Variants in PLXND1 observed in about 807,000 individuals in gnomAD.
PLXND1 encodes the protein plexin D1.
In PLXND1, 54 loss-of-function variants were observed where a neutral mutation model predicts 197.7. The observed-to-expected ratio is 0.27, with a 90% CI of 0.22 to 0.34. The LOEUF (loss-of-function observed/expected upper bound fraction) is 0.34. PLXND1 is among the 10% of genes least tolerant of loss of function. PLXND1 has a pLI of 1.00. For synonymous variants in PLXND1, 1,180 were observed against 1,161.2 expected, an observed-to-expected ratio of 1.02 and a Z score of -0.33; for missense variants, 2,127 against 2,699.2, an observed-to-expected ratio of 0.79 and a Z score of 4.70.
chr3:129,571,555 A>G lies in PLXND1; in HGVS notation c.3290T>C (p.Val1097Ala), dbSNP rs200409964. Residue 1097 changes from valine (V) to alanine (A), a missense_variant, in exon 17 of 36, where the codon GTG becomes GCG. By Grantham distance (64) the Val-to-Ala change is moderately conservative (BLOSUM62 0). Transcript: ENST00000324093. ...GTGGACGGCCATGGACACATTCTGCACCATGTGGAAACGCTCACCAGCCAC... is the reference window on the plus strand; with the variant it reads ...GTGGACGGCCATGGACACATTCTGCGCCATGTGGAAACGCTCACCAGCCAC... ...ITVAGERFHM[V>A]QNVSMAVHHI... The G allele has an allele frequency of 6.2e-7, 1 of 1,613,696 alleles. No homozygotes were observed. Among genetic ancestry groups the G allele is most frequent in the East Asian group, 2.2e-5 (1 of 44,872 alleles).
At chr3:129,601,484 G>A (rs1033125289) in intron 1 of PLXND1, among the ~76,000 whole-genome samples, 2 of 152,154 alleles carry the variant, frequency 1.3e-5, no homozygotes, top group Non-Finnish European at 1.5e-5. Context: ...GGAGCGAGAG[G>A]CTGGGTTTCC....
chr3:129,567,766 C>T lies in PLXND1; in HGVS notation c.3905G>A (p.Arg1302His), dbSNP rs369890848. The T allele has an allele frequency of 2.7e-5, 43 of 1,613,454 alleles. No homozygotes were observed. Among genetic ancestry groups the T allele is most frequent in the Middle Eastern group, 1.6e-4 (1 of 6,080 alleles). ...VFCTKSRRAE[R>H]YWQKTLLQME... Reference sequence around the variant, plus strand: ...CTGCAGCAGCGTCTTCTGCCAGTAACGCTCAGCACGTCGGCTCTTGGTACA... The same window carrying T: ...CTGCAGCAGCGTCTTCTGCCAGTAATGCTCAGCACGTCGGCTCTTGGTACA... The change falls in exon 21 of 36, where the codon CGT becomes CAT. Residue 1302 changes from arginine to histidine, a missense_variant. Arg to His is a conservative substitution (Grantham distance 29, BLOSUM62 0). Transcript: ENST00000324093.
In PLXND1 at chr3:129,558,586, G is replaced by A; in HGVS notation, c.5298-11C>T. On this transcript the variant is annotated splice_polypyrimidine_tract_variant and intron_variant, in intron 32 of 35. Transcript: ENST00000324093. The surrounding 1 kb of genome is among the most constrained non-coding windows in gnomAD (Gnocchi z 4.1). The stretch of plus-strand genomic sequence containing the variant: ...AACCGGAGAGGAAGGCTGTGGGGTA[G>A]GGTGACAAAGACAGTGAGGGTAGGG... The A allele has an allele frequency of 1.9e-6, 3 of 1,613,322 alleles. No individual in the cohort carries two copies. Among genetic ancestry groups the A allele is most frequent in the Non-Finnish European group, 2.5e-6 (3 of 1,179,566 alleles).
chr3:129,589,075 T>C (rs746958429), intron 2 of PLXND1, among the ~76,000 whole-genome samples: 1 of 152,176 alleles, frequency 6.6e-6, no homozygotes, highest in Non-Finnish European at 1.5e-5. Context: ...CTCAGAGCCA[T>C]ACAGTTTCAA....
At chr3:129,601,539 G>T (rs913245477) in intron 1 of PLXND1, among the ~76,000 whole-genome samples, 1 of 152,134 alleles carries the variant, frequency 6.6e-6, no homozygotes, top group Non-Finnish European at 1.5e-5. Flanking sequence ...TTCGGCCCTG[G>T]GGTCCTGCCC....
At chr3:129,597,205 G>C (rs1425474298) in intron 1 of PLXND1, among the ~76,000 whole-genome samples, 1 of 152,184 alleles carries the variant, frequency 6.6e-6, no homozygotes. Context: ...AGCCTCCAGC[G>C]CAGGCCTGCG....
chr3:129,572,661 C>A lies in PLXND1; in HGVS notation c.3025G>T (p.Gly1009Cys). The A allele has an allele frequency of 6.2e-7, 1 of 1,604,312 alleles. No homozygotes were observed. The highest frequency in any genetic ancestry group is 8.5e-7 in the Non-Finnish European group (1 of 1,174,850). Residue 1009 changes from glycine (G) to cysteine (C), a missense_variant, in exon 15 of 36, where the codon GGC (glycine) becomes TGC (cysteine). Gly to Cys is a radical substitution (Grantham distance 159, BLOSUM62 -3). Coordinates refer to ENST00000324093, the MANE Select transcript of PLXND1 (RefSeq NM_015103.3). ...ITIHGNDLHV[G>C]SELQVLVNDT... ...TTCACCAGGACCTGGAGCTCGGAGC[C>A]TACATGGAGGTCATTCCCATGGATG...
Position 129,559,737 on chromosome 3 carries a change from C to T in PLXND1, c.5180G>A (p.Ser1727Asn), listed in dbSNP as rs756279893. 1.5e-5 allele frequency: 25 copies of T among 1,613,046 alleles called. No individual in the cohort carries two copies. In the South Asian group the frequency reaches 2.1e-4, roughly 13 times the overall value. Residue 1727 changes from serine to asparagine, a missense_variant, in exon 32 of 36, where the codon AGT becomes AAT. Around this residue, in one of 6 missense-constraint regions of PLXND1, gnomAD observed 200 missense variants for 303.3 expected, o/e 0.66. Transcript: ENST00000324093. ...CAGTGGGGGCTTGTCTTCACGGATA[C>T]TCAGAATGGCCTTGAACAGGTCATC... ...FLDDLFKAIL[S>N]IREDKPPLAV...
Position 129,572,598 on chromosome 3 carries a change from C to T in PLXND1, c.3077+11G>A, listed in dbSNP as rs751017129. On this transcript the variant is annotated intron_variant, in intron 15 of 35. Coordinates refer to ENST00000324093, the MANE Select transcript of PLXND1 (RefSeq NM_015103.3). ...TGGGCTGGAAGGGATGGGCCAGGCC[C>T]AGAGGCTTACATCAGCTCCGTGCAG... The T allele has an allele frequency of 4.0e-6, 6 of 1,507,516 alleles. No individual in the cohort carries two copies. The highest frequency in any genetic ancestry group is 2.7e-6 in the Non-Finnish European group (3 of 1,128,068). 93.4% of individuals were successfully genotyped at this position (1,507,516 alleles called of 1,614,324 possible). A position where few individuals can be genotyped will look rare whatever the true frequency, so the allele number is the denominator to read the frequency against.
At chr3:129,593,957 A>G (rs2085583503) in intron 1 of PLXND1, among the ~76,000 whole-genome samples, 1 of 152,082 alleles carries the variant, frequency 6.6e-6, no homozygotes, top group South Asian at 2.1e-4. Flanking sequence ...ACTCTGACAT[A>G]TTGATTTTAC....
At chr3:129,576,101 A>G (rs985669953) in intron 9 of PLXND1, among the ~76,000 whole-genome samples, 2 of 152,190 alleles carry the variant, frequency 1.3e-5, no homozygotes, top group Non-Finnish European at 2.9e-5. Flanking sequence ...CACCACTAAA[A>G]GCCTCTCCAG....
intron 8 of PLXND1, among the ~76,000 whole-genome samples, chr3:129,580,070 T>C (rs1181012886): frequency 6.6e-6 from 1 of 152,108 alleles, no homozygotes; most frequent in Non-Finnish European, 1.5e-5. Context: ...GATACTATCA[T>C]TACACCCACT....
At chr3:129,597,133 A>G (rs755498073) in intron 1 of PLXND1, among the ~76,000 whole-genome samples, 1 of 152,248 alleles carries the variant, frequency 6.6e-6, no homozygotes, top group South Asian at 2.1e-4. Flanking sequence ...AGTAAAGGAA[A>G]CTGAGGCACA....
At chr3:129,574,138 C>G (rs765435639) in intron 12 of PLXND1, among the ~76,000 whole-genome samples, 198 bp downstream of exon 12, 3 of 152,204 alleles carry the variant, frequency 2.0e-5, no homozygotes, top group Non-Finnish European at 4.4e-5. Flanking sequence ...TATTCATTTC[C>G]TTATTTATTA....
intron 1 of PLXND1, among the ~76,000 whole-genome samples, chr3:129,600,134 G>A (rs1170720948): frequency 6.6e-6 from 1 of 152,208 alleles, no homozygotes; most frequent in East Asian, 1.9e-4. Context: ...GGGCACTAGA[G>A]ACCATTCTCT....
At chr3:129,592,882 G>A (rs1054335472) in intron 1 of PLXND1, among the ~76,000 whole-genome samples, 2 of 152,158 alleles carry the variant, frequency 1.3e-5, no homozygotes, top group African/African-American at 4.8e-5. Context: ...GCTGGGGGAG[G>A]GGGATGCAGG....
At position 129,605,843 on chromosome 3, in the gene PLXND1, T is replaced by C; in HGVS notation, c.797A>G (p.Lys266Arg). 6.2e-7 allele frequency: 1 copy of C among 1,613,122 alleles called. No individual in the cohort carries two copies. The highest frequency in any genetic ancestry group is 1.1e-5 in the South Asian group (1 of 91,032). The change falls in exon 1 of 36, where the codon AAG becomes AGG. Residue 266 changes from lysine (K) to arginine (R), a missense_variant. Transcript: ENST00000324093. ...CTGCTCCTTGGCGCCCTGCTTGATC[T>C]TGAGGATGTTGTCGTCGGAGGGGTT... ...DLNPSDDNIL[K>R]IKQGAKEQHK...
At chr3:129,579,309 G>C (rs1035159435) in intron 8 of PLXND1, among the ~76,000 whole-genome samples, 1 of 152,162 alleles carries the variant, frequency 6.6e-6, no homozygotes, top group Non-Finnish European at 1.5e-5. Flanking sequence ...GGGGTCCTCC[G>C]AGCTGGGGCG....
At chr3:129,590,908 G>T (rs1210172377) in intron 1 of PLXND1, among the ~76,000 whole-genome samples, 2 of 152,238 alleles carry the variant, frequency 1.3e-5, no homozygotes, top group East Asian at 3.8e-4. Context: ...CCGGAAGGCA[G>T]CATTGGAACC....
Sources: gnomAD v4.1 joint callset for allele counts (sites outside exome capture counted in the v4.1 genomes callset) on GRCh38, gnomAD v4.1.1 for gene constraint, gnomAD v4.1.1 regional missense constraint, Gnocchi (gnomAD v3.1) non-coding constraint, MANE v1.5 for transcripts, NCBI Gene and HGNC (gene_info 2026-07-23, HGNC 2026-07-21) for gene names.